Variants in AIM2 observed in about 807,000 individuals in gnomAD.
AIM2 encodes the protein absent in melanoma 2.
AIM2 carries 30 observed loss-of-function variants against 27.7 expected under a neutral mutation model. The ratio of observed to expected loss-of-function variants is 1.08; its 90% CI spans 0.81 to 1.47. The LOEUF (loss-of-function observed/expected upper bound fraction) is 1.47, where lower values mean the gene tolerates loss of function less well. Among genes scored for constraint, AIM2 ranks in the 40% most tolerant of loss-of-function variants. The pLI, the probability that AIM2 is intolerant of heterozygous loss-of-function variation, is 0.00. For synonymous variants in AIM2, 141 were observed against 145.3 expected (o/e 0.97, Z 0.21); for missense variants, 358 against 411.3 (o/e 0.87, Z 1.12).
At chr1:159,090,129 C>A (rs1657012812) in intron 1 of AIM2, among the ~76,000 whole-genome samples, 1 of 152,216 alleles carries the variant, frequency 6.6e-6, no homozygotes, top group South Asian at 2.1e-4. Context: ...GGGGGATTGG[C>A]TGCAGCCCTC....
At chr1:159,070,803 G>A (rs1033376419) in intron 2 of AIM2, among the ~76,000 whole-genome samples, 3 of 152,200 alleles carry the variant, frequency 2.0e-5, no homozygotes, top group Non-Finnish European at 4.4e-5. Flanking sequence ...TGGTAAGTTA[G>A]TTCCATGAAA....
At chr1:159,124,201 T>TTA (rs1647620887) in intron 1 of AIM2, among the ~76,000 whole-genome samples, 1 of 152,016 alleles carries the variant, frequency 6.6e-6, no homozygotes, top group African/African-American at 2.4e-5. Context: ...TCTCTTTTTT[T>TTA]AAAAAAAATG....
Position 159,073,343 on chromosome 1 carries a change from T to A in AIM2, c.157A>T (p.Ile53Phe). 6.2e-7 allele frequency: 1 copy of A among 1,614,228 alleles called. No homozygotes were observed. Among genetic ancestry groups the A allele is most frequent in the Non-Finnish European group, 8.5e-7 (1 of 1,180,044 alleles). Residue 53 changes from isoleucine to phenylalanine, a missense_variant, in exon 2 of 6, where the codon ATT (isoleucine) becomes TTT (phenylalanine). Transcript: ENST00000368130. ...GCAGACACCGCCCCAGCATTTTGAATCATCAAGGTAGCTACTTGTATTCTG... is the reference window on the plus strand; with the variant it reads ...GCAGACACCGCCCCAGCATTTTGAAACATCAAGGTAGCTACTTGTATTCTG... ...ANRIQVATLM[I>F]QNAGAVSAVM...
At chr1:159,078,820 A>G (rs542296029), upstream of AIM2, among the ~76,000 whole-genome samples, 2 of 152,340 alleles carry the variant, frequency 1.3e-5, no homozygotes, top group East Asian at 3.9e-4. Flanking sequence ...ACTGACAGCA[A>G]GGTTTATGCC....
intron 1 of AIM2, among the ~76,000 whole-genome samples, chr1:159,099,561 C>T (rs13374316): frequency 0.013 from 2,025 of 152,158 alleles, 57 homozygotes; most frequent in African/African-American, 0.046. Flanking sequence ...CAGGGAACAA[C>T]TTTTCTTTTT....
Position 159,103,255 on chromosome 1 carries a change from G to A in AIM2, c.-15-36926C>T, listed in dbSNP as rs147666986. Among the ~76,000 whole-genome samples the A allele has an allele frequency of 5.3e-5, 8 of 152,220 alleles. No individual in the cohort carries two copies. In the South Asian group the frequency reaches 6.2e-4, roughly 12 times the overall value. On this transcript the variant is annotated intron_variant, in intron 1 of 2. Transcript: ENST00000368129. ...TCCACCATGATTGTAAGTTTTCTGC[G>A]GCTTCCCTAGCCATTCAGAACTGTG...
In AIM2 at chr1:159,090,873, C is replaced by T. The variant is rs1657027895; in HGVS notation, c.-15-24544G>A. Among the ~76,000 whole-genome samples, 3 of 152,176 alleles carry T rather than the reference C, an allele frequency of 2.0e-5. No individual in the cohort carries two copies. The South Asian group carries it at 6.2e-4, about 31-fold the overall frequency. On this transcript the variant is annotated intron_variant, in intron 1 of 2. Coordinates refer to the AIM2 transcript ENST00000368129. ...ATTGATGCTAAAGACTTTCCCTAAG[C>T]AACCTCTACCACATTAGCATAAAGT...
At chr1:159,113,182 G>A (rs1427420230) in intron 1 of AIM2, among the ~76,000 whole-genome samples, 1 of 152,088 alleles carries the variant, frequency 6.6e-6, no homozygotes, top group Non-Finnish European at 1.5e-5. Context: ...TTTACCTCAT[G>A]ATCCACCTGC....
chr1:159,123,914 T>C (rs945283452), intron 1 of AIM2, among the ~76,000 whole-genome samples: 1 of 152,210 alleles, frequency 6.6e-6, no homozygotes, highest in Admixed American at 6.5e-5. Flanking sequence ...ATTCACTCTA[T>C]TACACAGCAG....
chr1:159,123,712 C>T (rs773224940), intron 1 of AIM2: 1 of 152,212 alleles, frequency 6.6e-6, no homozygotes, highest in Non-Finnish European at 1.5e-5. Context: ...TCCTCGCCAA[C>T]CTACAACAAG....
chr1:159,084,307 C>T (rs1656847041), intron 1 of AIM2, among the ~76,000 whole-genome samples: 1 of 152,088 alleles, frequency 6.6e-6, no homozygotes, highest in African/African-American at 2.4e-5. Flanking sequence ...TCCAAGCCCA[C>T]TTATTTCTGG....
downstream of AIM2, among the ~76,000 whole-genome samples, chr1:159,060,351 A>C (rs1655792429): frequency 6.6e-6 from 1 of 152,004 alleles, no homozygotes; most frequent in Non-Finnish European, 1.5e-5. Flanking sequence ...CAGAGAAATA[A>C]AAAAAAATCA....
downstream of AIM2, among the ~76,000 whole-genome samples, chr1:159,061,474 A>G (rs1571915415): frequency 6.6e-6 from 1 of 150,848 alleles, no homozygotes; most frequent in Admixed American, 6.6e-5. Flanking sequence ...CTCACTGCAA[A>G]CTCCGCCTCC....
At chr1:159,116,041 T>G (rs1311676084) in intron 1 of AIM2, among the ~76,000 whole-genome samples, 1 of 152,120 alleles carries the variant, frequency 6.6e-6, no homozygotes, top group East Asian at 1.9e-4. Flanking sequence ...CAGACACTTC[T>G]CAAAAGAAGA....
chr1:159,055,408 G>T, the AIM2 span, among the ~76,000 whole-genome samples: 1 of 152,188 alleles, frequency 6.6e-6, no homozygotes, highest in African/African-American at 2.4e-5. Context: ...TACTGTTTTA[G>T]CCCAGAGCAG....
chr1:159,127,471 G>A (rs1647723222), intron 1 of AIM2, among the ~76,000 whole-genome samples: 1 of 152,196 alleles, frequency 6.6e-6, no homozygotes, highest in Non-Finnish European at 1.5e-5. Flanking sequence ...TGATGGCATG[G>A]GGCCATTGGG....
intron 1 of AIM2, among the ~76,000 whole-genome samples, chr1:159,111,570 G>C (rs1431691685): frequency 6.6e-6 from 1 of 152,042 alleles, no homozygotes; most frequent in Non-Finnish European, 1.5e-5. Flanking sequence ...TGTCCCCACA[G>C]AGTTTATGAC....
intron 1 of AIM2, among the ~76,000 whole-genome samples, chr1:159,146,043 T>G (rs1285016198): frequency 2.0e-5 from 3 of 151,572 alleles, no homozygotes; most frequent in Non-Finnish European, 2.9e-5. Flanking sequence ...GAAGTAGAGG[T>G]TGCAGTGAAG....
chr1:159,127,382 A>G (rs1647720831), intron 1 of AIM2, among the ~76,000 whole-genome samples: 1 of 152,226 alleles, frequency 6.6e-6, no homozygotes, highest in African/African-American at 2.4e-5. Flanking sequence ...GTAACAGATC[A>G]GTGTCGGCCC....
Sources: allele counts gnomAD v4.1 joint callset (sites outside exome capture counted in the v4.1 genomes callset), GRCh38; gene constraint gnomAD v4.1.1; transcripts MANE v1.5; gene names NCBI Gene and HGNC (gene_info 2026-07-23, HGNC 2026-07-21).